Variants in DIAPH2 observed in about 807,000 individuals in gnomAD.
The protein encoded by DIAPH2 is protein diaphanous homolog 2.
Under a neutral mutation model 92.7 loss-of-function variants are expected in DIAPH2, and 35 were observed. That is an observed-to-expected ratio of 0.38 (90% CI 0.29 to 0.50). The LOEUF (loss-of-function observed/expected upper bound fraction) is 0.50, where lower values mean the gene tolerates loss of function less well. Among genes scored for constraint, DIAPH2 ranks in the 20% least tolerant of loss-of-function variants. DIAPH2 has a pLI of 0.94. For synonymous variants in DIAPH2, 301 were observed against 280.4 expected (o/e 1.07, Z -0.73); for missense variants, 701 against 819.5 (o/e 0.86, Z 1.77).
intron 4 of DIAPH2, among the ~76,000 whole-genome samples, chrX:96,874,877 A>G (rs2065168338): frequency 8.9e-6 from 1 of 111,995 alleles, no homozygotes; most frequent in African/African-American, 3.2e-5. Context: ...CACAGAATTA[A>G]AAACTATGTT....
At chrX:97,133,862 G>T (rs1260396422) in intron 21 of DIAPH2, among the ~76,000 whole-genome samples, 1 of 111,938 alleles carries the variant, frequency 8.9e-6, no homozygotes, top group Non-Finnish European at 1.9e-5. Flanking sequence ...AAACTGTTTG[G>T]CATAGAGGTC....
chrX:97,437,761 TACACACACACACAC>T (rs58161143), intron 26 of DIAPH2, among the ~76,000 whole-genome samples: 2 of 95,730 alleles, frequency 2.1e-5, no homozygotes, highest in African/African-American at 3.8e-5. Context: ...TACATGATTT[TACACACACACACAC>T]ACACACACAC....
In DIAPH2 at chrX:97,339,759, C is replaced by T. The variant is rs184652799; in HGVS notation, c.2845-8357C>T. Among the ~76,000 whole-genome samples, 783 of 111,878 alleles carry T rather than the reference C, an allele frequency of 7.0e-3. 9 individuals carry two copies. The highest frequency in any genetic ancestry group is 0.025 in the African/African-American group (755 of 30,812). On this transcript the variant is annotated intron_variant, in intron 23 of 26. Coordinates refer to ENST00000324765, the MANE Select transcript of DIAPH2 (RefSeq NM_006729.5). ...AGCTTACAGTTATCTTAAATAACTTCATGCTTGAAAAATCAGAAATATTTG... is the reference window on the plus strand; with the variant it reads ...AGCTTACAGTTATCTTAAATAACTTTATGCTTGAAAAATCAGAAATATTTG...
intron 17 of DIAPH2, among the ~76,000 whole-genome samples, chrX:96,995,836 A>G (rs756088896): frequency 4.6e-5 from 5 of 109,561 alleles, no homozygotes; most frequent in African/African-American, 1.7e-4. Flanking sequence ...TGAAGAGTAT[A>G]TTTTCTGAGT....
intron 26 of DIAPH2, among the ~76,000 whole-genome samples, chrX:97,487,009 C>A (rs1887444371): frequency 8.9e-6 from 1 of 112,256 alleles, no homozygotes; most frequent in African/African-American, 3.2e-5. Context: ...AACGTGGAAT[C>A]CCGCAGTATG....
At chrX:96,700,031 C>G (rs925346527) in intron 1 of DIAPH2, among the ~76,000 whole-genome samples, 1 of 111,704 alleles carries the variant, frequency 9.0e-6, no homozygotes, top group African/African-American at 3.3e-5. Context: ...CATTTTGAGA[C>G]AGGGTCTCCC....
chrX:97,083,383 C>T (rs1374026736), intron 19 of DIAPH2, among the ~76,000 whole-genome samples: 1 of 112,363 alleles, frequency 8.9e-6, no homozygotes, highest in Admixed American at 9.4e-5. Context: ...TTGTATCCAT[C>T]TTCGTGTCTT....
chrX:97,253,763 AAATAAT>A (rs2147559088), intron 23 of DIAPH2, among the ~76,000 whole-genome samples: 1 of 107,951 alleles, frequency 9.3e-6, no homozygotes, highest in African/African-American at 3.6e-5. Flanking sequence ...ATGAATAAAT[AAATAAT>A]AATAAAAAAA....
At chrX:96,929,599 G>A (rs143707275) in intron 9 of DIAPH2, among the ~76,000 whole-genome samples, 163 of 110,254 alleles carry the variant, frequency 1.5e-3, no homozygotes, top group African/African-American at 4.9e-3. Flanking sequence ...TCCCTATTTT[G>A]GAAAAAATAA....
At chrX:97,234,262 C>T (rs1206005091) in intron 22 of DIAPH2, among the ~76,000 whole-genome samples, 2 of 97,741 alleles carry the variant, frequency 2.0e-5, no homozygotes, top group Non-Finnish European at 4.0e-5. Context: ...ACCTGGGAGG[C>T]GGAGGTTGTG....
At chrX:96,773,237 T>TCCCCC (rs769269560) in intron 4 of DIAPH2, among the ~76,000 whole-genome samples, 31 of 82,134 alleles carry the variant, frequency 3.8e-4, no homozygotes, top group African/African-American at 1.2e-3. Flanking sequence ...CTGAATTGTT[T>TCCCCC]CCCCCCCCCT....
chrX:97,134,858 A>C (rs191230637), intron 21 of DIAPH2, among the ~76,000 whole-genome samples: 1 of 111,760 alleles, frequency 8.9e-6, no homozygotes, highest in East Asian at 2.8e-4. Flanking sequence ...TATTATCCAC[A>C]GTCAATATTT....
At chrX:97,478,961 T>C (rs1313913427) in intron 26 of DIAPH2, among the ~76,000 whole-genome samples, 1 of 111,826 alleles carries the variant, frequency 8.9e-6, no homozygotes, top group Non-Finnish European at 1.9e-5. Context: ...TGTTTGTTAA[T>C]TTTTTGGTAT....
intron 22 of DIAPH2, among the ~76,000 whole-genome samples, chrX:97,222,729 A>T (rs1392731424): frequency 8.9e-6 from 1 of 112,174 alleles, no homozygotes; most frequent in Non-Finnish European, 1.9e-5. Context: ...ATTCATTTTC[A>T]TGCTTAAACT....
chrX:96,790,242 T>C (rs1202893081), intron 4 of DIAPH2, among the ~76,000 whole-genome samples: 1 of 109,908 alleles, frequency 9.1e-6, no homozygotes, highest in African/African-American at 3.3e-5. Context: ...GCTAATTTTT[T>C]GTATTTTTAG....
intron 26 of DIAPH2, among the ~76,000 whole-genome samples, chrX:97,543,494 G>T (rs1416383720): frequency 9.0e-6 from 1 of 111,172 alleles, no homozygotes; most frequent in East Asian, 2.8e-4. Flanking sequence ...TTCTTAGGAA[G>T]AATTTTTTTT....
Position 97,373,603 on chromosome X carries a change from CT to C in DIAPH2, c.3010-10285del, listed in dbSNP as rs769067046. 5.8e-3 allele frequency among the ~76,000 whole-genome samples: 414 copies of C among 71,543 alleles called. 2 individuals carry two copies. The highest frequency in any genetic ancestry group is 0.017 in the African/African-American group (357 of 21,112). The allele number at this position is 71,543 out of a possible 115,157, so 62.1% of individuals were successfully genotyped here. A position where few individuals can be genotyped will look rare whatever the true frequency, so the allele number is the denominator to read the frequency against. On this transcript the variant is annotated intron_variant, in intron 24 of 26. Transcript: ENST00000324765. ...TTCAAGCAGAGACTTAAGGGAGATA[CT>C]TTTTTTTTTTTTTTTTTTTTGAGAC...
intron 22 of DIAPH2, among the ~76,000 whole-genome samples, chrX:97,240,621 G>A (rs868238838): frequency 2.3e-4 from 23 of 101,361 alleles, no homozygotes; most frequent in African/African-American, 8.6e-4. Context: ...AAAAAAAAAA[G>A]ACCAATATTA....
intron 21 of DIAPH2, among the ~76,000 whole-genome samples, chrX:97,119,873 G>A (rs2067043195): frequency 8.9e-6 from 1 of 111,743 alleles, no homozygotes; most frequent in Non-Finnish European, 1.9e-5. Context: ...CAATCCAAAG[G>A]GCTGGCCCCA....
Sources: gnomAD v4.1 joint callset for allele counts (sites outside exome capture counted in the v4.1 genomes callset) on GRCh38, gnomAD v4.1.1 for gene constraint, MANE v1.5 for transcripts, NCBI Gene and HGNC (gene_info 2026-07-23, HGNC 2026-07-21) for gene names.